BSN: variants seen among roughly 807,000 people sequenced by gnomAD.
The protein encoded by BSN is bassoon presynaptic cytomatrix protein, also known as protein bassoon.
In BSN, 57 loss-of-function variants were observed where a neutral mutation model predicts 264.8. The ratio of observed to expected loss-of-function variants is 0.22; its 90% CI spans 0.17 to 0.27. The LOEUF is 0.27. Ranked by LOEUF, BSN falls within the 10% of genes least tolerant of loss-of-function variation. BSN has a pLI of 1.00. For missense variants in BSN, 4,615 were observed against 5,232.5 expected (o/e 0.88, Z 3.64); for synonymous variants, 2,059 against 2,137.3 (o/e 0.96, Z 1.01).
Position 49,656,618 on chromosome 3 carries a change from C to G in BSN, c.7062C>G (p.Phe2354Leu), listed in dbSNP as rs755279303. 3 of 1,607,934 alleles carry G rather than the reference C, an allele frequency of 1.9e-6. No homozygotes were observed. Among genetic ancestry groups the G allele is most frequent in the East Asian group, 4.5e-5 (2 of 44,744 alleles). Reference sequence around the variant, plus strand: ...GTGGGGCCCTCAGCCGGCCAGGGTTCGAGAAAGAGGAAGCATCACAGGAGG... The same window carrying G: ...GTGGGGCCCTCAGCCGGCCAGGGTTGGAGAAAGAGGAAGCATCACAGGAGG... The part of the protein sequence containing the change: ...GGSGALSRPG[F>L]EKEEASQEER... The change falls in exon 5 of 12, where the codon TTC becomes TTG. Residue 2354 changes from phenylalanine (F) to leucine (L), a missense_variant. Phe to Leu is a conservative substitution (Grantham distance 22). This residue lies in a region of BSN where 3,415 missense variants were observed against 3,866.4 expected (regional missense o/e 0.88). Coordinates refer to ENST00000296452, the MANE Select transcript of BSN (RefSeq NM_003458.4).
chr3:49,662,649 A>G lies in BSN; in HGVS notation c.10717+87A>G. The G allele has an allele frequency of 4.6e-6, 7 of 1,512,396 alleles. No homozygotes were observed. In the East Asian group the frequency reaches 1.6e-4, roughly 35 times the overall value. The allele number at this position is 1,512,396 out of a possible 1,614,324, so 93.7% of individuals were successfully genotyped here. A position where few individuals can be genotyped will look rare whatever the true frequency, so the allele number is the denominator to read the frequency against. ...GGGGCCCTGGGCCCTAAGATGTCCC[A>G]GCAGGGTCTGGTCTGGCGCCTCATC... On this transcript the variant is annotated intron_variant, in intron 6 of 11. Transcript: ENST00000296452.
chr3:49,639,632 G>T (rs2052446209), intron 2 of BSN, among the ~76,000 whole-genome samples: 1 of 152,184 alleles, frequency 6.6e-6, no homozygotes, highest in African/African-American at 2.4e-5. Context: ...GCTCTGCCAG[G>T]GTTTGCAGTG....
chr3:49,624,925 G>A (rs759757665), intron 1 of BSN, 50 bp from the exon 2 acceptor site: 15 of 1,468,694 alleles, frequency 1.0e-5, no homozygotes, highest in Non-Finnish European at 3.6e-6. Flanking sequence ...ACCTCCGCAA[G>A]CTGCTTCTCT....
At position 49,655,654 on chromosome 3, in the gene BSN, T is replaced by G; in HGVS notation, c.6098T>G (p.Leu2033Arg). ...CTGGGCTTTGCGGATGGACGCTACCTAGGGCAGGGCTTGCAGTATGGCTCA... is the reference window on the plus strand; with the variant it reads ...CTGGGCTTTGCGGATGGACGCTACCGAGGGCAGGGCTTGCAGTATGGCTCA... The part of the protein sequence containing the change: ...YSLGFADGRY[L>R]GQGLQYGSVT... Residue 2033 changes from leucine (L) to arginine (R), a missense_variant, in exon 5 of 12, where the codon CTA becomes CGA. Leu to Arg is a moderately radical substitution (Grantham distance 102). This residue lies in a region of BSN where 3,415 missense variants were observed against 3,866.4 expected (regional missense o/e 0.88). Coordinates refer to ENST00000296452, the MANE Select transcript of BSN (RefSeq NM_003458.4). The G allele has an allele frequency of 6.2e-7, 1 of 1,613,662 alleles. No individual in the cohort carries two copies. The highest frequency in any genetic ancestry group is 8.5e-7 in the Non-Finnish European group (1 of 1,179,994).
rs71080542 is a variant in BSN at position 49,624,300 on chromosome 3, C to CT, written c.225-658dup. Among the ~76,000 whole-genome samples, 45 of 67,186 alleles carry CT rather than the reference C, an allele frequency of 6.7e-4. 5 individuals are homozygous for CT. The highest frequency in any genetic ancestry group is 5.1e-3 in the East Asian group (10 of 1,952). The allele number at this position is 67,186 out of a possible 152,430, so 44.1% of individuals were successfully genotyped here. On this transcript the variant is annotated intron_variant, in intron 1 of 11. Transcript: ENST00000296452. ...CCAGGCGTGAGCCAACGTGCCCAGC[C>CT]TTTTTTTTTTTTTTTTTAGACAGGG...
Position 49,656,263 on chromosome 3 carries a change from T to C in BSN, c.6707T>C (p.Val2236Ala), listed in dbSNP as rs759737746. 6.2e-7 allele frequency: 1 copy of C among 1,612,726 alleles called. No individual in the cohort carries two copies. Among genetic ancestry groups the C allele is most frequent in the Non-Finnish European group, 8.5e-7 (1 of 1,179,646 alleles). The change falls in exon 5 of 12, where the codon GTG becomes GCG. Residue 2236 changes from valine to alanine, a missense_variant. Val to Ala is a moderately conservative substitution (Grantham distance 64). Transcript: ENST00000296452. ...RPYASGGITA[V>A]PLTSLTRVPM... ...TACGCATCTGGTGGAATCACAGCCG[T>C]GCCACTCACCAGTCTGACACGTGTG...
At chr3:49,671,757 G>A (rs1325603704), downstream of BSN, among the ~76,000 whole-genome samples, 1 of 152,226 alleles carries the variant, frequency 6.6e-6, no homozygotes, top group Non-Finnish European at 1.5e-5. This position sits in a 1 kb window ranked among gnomAD's most constrained non-coding sequence, Gnocchi z 4.1. Context: ...CCCAAGCTTG[G>A]ACCTGGAGCA....
chr3:49,630,368 G>A (rs989946999), intron 2 of BSN, among the ~76,000 whole-genome samples: 4 of 152,210 alleles, frequency 2.6e-5, no homozygotes, highest in African/African-American at 7.2e-5. Context: ...TTCTCCCACC[G>A]AATAGCTAGT....
At chr3:49,582,565 A>C (rs1298407377) in intron 1 of BSN, among the ~76,000 whole-genome samples, 3 of 152,214 alleles carry the variant, frequency 2.0e-5, no homozygotes, top group Non-Finnish European at 4.4e-5. Context: ...TCTACATGTA[A>C]GATCATGTGG....
At chr3:49,600,646 T>A (rs1454330042) in intron 1 of BSN, among the ~76,000 whole-genome samples, 2 of 135,374 alleles carry the variant, frequency 1.5e-5, no homozygotes, top group African/African-American at 2.7e-5. Context: ...AAAATAAAAA[T>A]AAAAAAAATT....
rs865788797 is a variant in BSN at position 49,651,023 on chromosome 3, C to G, written c.1930C>G (p.Pro644Ala). Residue 644 changes from proline (P) to alanine (A), a missense_variant, in exon 4 of 12, where the codon CCT becomes GCT. Transcript: ENST00000296452. This position sits in a 1 kb window ranked among gnomAD's most constrained non-coding sequence, Gnocchi z 5.4. Reference protein sequence around the residue: ...KVKSGVRRAEPATPVVKAVPE... With the variant: ...KVKSGVRRAEAATPVVKAVPE... ...AAAGAGTGGGGTGAGGAGGGCTGAA[C>G]CTGCCACCCCTGTCGTCAAGGCTGT... The G allele has an allele frequency of 6.2e-6, 10 of 1,613,820 alleles. No homozygotes were observed. Among genetic ancestry groups the G allele is most frequent in the Middle Eastern group, 3.3e-4 (2 of 6,052 alleles).
Position 49,653,907 on chromosome 3 carries a change from G to C in BSN, c.4351G>C (p.Glu1451Gln). 1 of 1,614,164 alleles carries C rather than the reference G, an allele frequency of 6.2e-7. No individual in the cohort carries two copies. The highest frequency in any genetic ancestry group is 8.5e-7 in the Non-Finnish European group (1 of 1,180,020). ...TGCTGCAGCTGGACGAGCTGCTAGAGAGAAGCCCTTGAGTGCGAGTGACGG... is the reference window on the plus strand; with the variant it reads ...TGCTGCAGCTGGACGAGCTGCTAGACAGAAGCCCTTGAGTGCGAGTGACGG... ...GLAAAGRAAR[E>Q]KPLSASDGEG... The change falls in exon 5 of 12, where the codon GAG (glutamate) becomes CAG (glutamine). Residue 1451 changes from glutamate to glutamine, a missense_variant. Glu to Gln is a conservative substitution (Grantham distance 29). This residue lies in a region of BSN where 3,415 missense variants were observed against 3,866.4 expected (regional missense o/e 0.88). Transcript: ENST00000296452. The surrounding 1 kb of genome is among the most constrained non-coding windows in gnomAD (Gnocchi z 6.3).
chr3:49,663,199 C>A lies in BSN; in HGVS notation c.11041C>A (p.Pro3681Thr), dbSNP rs201278602. 3.1e-5 allele frequency: 50 copies of A among 1,613,930 alleles called. 1 individual carries two copies. The Middle Eastern group carries it at 3.3e-3, about 106-fold the overall frequency. ...ARDLGRHEAR[P>T]HSQPSSAPAM... The stretch of plus-strand genomic sequence containing the variant: ...GGACCTGGGTCGCCATGAGGCCCGG[C>A]CCCACTCTCAGCCCAGCTCTGCTCC... Residue 3681 changes from proline (P) to threonine (T), a missense_variant, in exon 7 of 12, where the codon CCC (proline) becomes ACC (threonine). Coordinates refer to ENST00000296452, the MANE Select transcript of BSN (RefSeq NM_003458.4).
In BSN at chr3:49,652,066, T is replaced by C. The variant is rs1288034379; in HGVS notation, c.2510T>C (p.Leu837Pro). 3.7e-6 allele frequency: 6 copies of C among 1,609,776 alleles called. No individual in the cohort carries two copies. The highest frequency in any genetic ancestry group is 4.2e-6 in the Non-Finnish European group (5 of 1,176,966). ...CAGCCCCCAGCCCGGGCAGCAGAAC[T>C]GACTGATGAGGATTTCATGCGACGG... ...PPQPPARAAE[L>P]TDEDFMRRQI... The change falls in exon 5 of 12, where the codon CTG (leucine) becomes CCG (proline). Residue 837 changes from leucine to proline, a missense_variant. By Grantham distance (98) the Leu-to-Pro change is moderately conservative. Around this residue, in one of 3 missense-constraint regions of BSN, gnomAD observed 1,197 missense variants for 1,348.0 expected, o/e 0.89. Coordinates refer to ENST00000296452, the MANE Select transcript of BSN (RefSeq NM_003458.4).
rs924943025 is a variant in BSN, at chr3:49,651,410, G to A, written c.1987-133G>A. On this transcript the variant is annotated intron_variant, in intron 4 of 11. Transcript: ENST00000296452. This position sits in a 1 kb window ranked among gnomAD's most constrained non-coding sequence, Gnocchi z 5.4. ...TTATTCAAGGCCAGAAGGAGATAGG[G>A]TGGGTGGCGGGCCCTAAACCCTTGG... 6 of 974,164 alleles carry A rather than the reference G, an allele frequency of 6.2e-6. No homozygotes were observed. Among genetic ancestry groups the A allele is most frequent in the Non-Finnish European group, 9.0e-6 (6 of 665,282 alleles). The allele number at this position is 974,164 out of a possible 1,614,324, so 60.3% of individuals were successfully genotyped here.
chr3:49,581,973 C>A (rs2051898551), intron 1 of BSN, among the ~76,000 whole-genome samples: 2 of 152,246 alleles, frequency 1.3e-5, no homozygotes, highest in South Asian at 4.1e-4. Flanking sequence ...AGTATCTGTT[C>A]AAGTCCCTGG....
chr3:49,603,579 C>A (rs542203313), intron 1 of BSN, among the ~76,000 whole-genome samples: 1 of 152,282 alleles, frequency 6.6e-6, no homozygotes, highest in South Asian at 2.1e-4. Flanking sequence ...TGAAGGTCTG[C>A]AGGTTTGTGG....
At position 49,661,263 on chromosome 3, in the gene BSN, G is replaced by C; in HGVS notation, c.9418G>C (p.Ala3140Pro). 6.2e-7 allele frequency: 1 copy of C among 1,613,714 alleles called. No individual in the cohort carries two copies. Among genetic ancestry groups the C allele is most frequent in the Non-Finnish European group, 8.5e-7 (1 of 1,180,042 alleles). ...TLFPVPADSR[A>P]PLQKPRQTSL... ...TTTTCCAGTCCCCGCTGATAGCCGT[G>C]CCCCACTGCAGAAGCCACGCCAGAC... The change falls in exon 6 of 12, where the codon GCC becomes CCC. Residue 3140 changes from alanine (A) to proline (P), a missense_variant. Physicochemically the swap from Ala to Pro is conservative, Grantham distance 27 (BLOSUM62 -1). Transcript: ENST00000296452.
chr3:49,662,029 G>A lies in BSN; in HGVS notation c.10184G>A (p.Ser3395Asn). The A allele has an allele frequency of 6.2e-7, 1 of 1,613,874 alleles. No homozygotes were observed. The highest frequency in any genetic ancestry group is 8.5e-7 in the Non-Finnish European group (1 of 1,180,034). The change falls in exon 6 of 12, where the codon AGC becomes AAC. Residue 3395 changes from serine to asparagine, a missense_variant. Coordinates refer to ENST00000296452, the MANE Select transcript of BSN (RefSeq NM_003458.4). ...LASYPPPAVSSSLVSRGRKFQ... is the reference protein window; with the variant it reads ...LASYPPPAVSNSLVSRGRKFQ... ...TCCTACCCCCCACCTGCAGTCAGCAGCAGCCTGGTCTCTCGGGGCAGGAAG... is the reference window on the plus strand; with the variant it reads ...TCCTACCCCCCACCTGCAGTCAGCAACAGCCTGGTCTCTCGGGGCAGGAAG...
Sources: gnomAD v4.1 joint callset for allele counts (sites outside exome capture counted in the v4.1 genomes callset) on GRCh38, gnomAD v4.1.1 for gene constraint, gnomAD v4.1.1 regional missense constraint, Gnocchi (gnomAD v3.1) non-coding constraint, MANE v1.5 for transcripts, NCBI Gene and HGNC (gene_info 2026-07-23, HGNC 2026-07-21) for gene names.